The following DNAJC18 variants were observed in gnomAD, a reference collection of about 807,000 sequenced individuals.
The protein encoded by DNAJC18 is dnaJ homolog subfamily C member 18.
A neutral mutation model predicts 48.6 loss-of-function variants in DNAJC18; 40 were observed. That is an observed-to-expected ratio of 0.82 (90% confidence interval 0.64 to 1.07). The LOEUF is 1.07. Ranked by LOEUF, DNAJC18 falls within the 50% of genes least tolerant of loss-of-function variation. DNAJC18 has a pLI of 0.00. For synonymous variants in DNAJC18, 135 were observed against 152.2 expected, an observed-to-expected ratio of 0.89 and a Z score of 0.83; for missense variants, 340 against 427.7, an observed-to-expected ratio of 0.79 and a Z score of 1.81.
chr5:139,432,645 T>C (rs1408275322), intron 2 of DNAJC18, among the ~76,000 whole-genome samples: 2 of 152,180 alleles, frequency 1.3e-5, no homozygotes, highest in Non-Finnish European at 2.9e-5. Flanking sequence ...CCAAAAGAAC[T>C]TTTTAAAGGC....
Position 139,437,478 on chromosome 5 carries a change from A to G in DNAJC18, c.121T>C (p.Cys41Arg), listed in dbSNP as rs1355721695. 6 of 1,614,154 alleles carry G rather than the reference A, an allele frequency of 3.7e-6. No individual in the cohort carries two copies. In the South Asian group the frequency reaches 5.5e-5, roughly 15 times the overall value. ...TTCTTTTCCTTTTGTGCCTTCATGC[A>G]GTTACAGCAGCCACAGGGGTCATGA... ...ESHDPCGCCNCMKAQKEKKSE... is the reference protein window; with the variant it reads ...ESHDPCGCCNRMKAQKEKKSE... Residue 41 changes from cysteine (C) to arginine (R), a missense_variant, in exon 2 of 8, where the codon TGC becomes CGC. Coordinates refer to ENST00000302060, the MANE Select transcript of DNAJC18 (RefSeq NM_152686.4).
chr5:139,411,318 TGA>T lies in DNAJC18; in HGVS notation c.*2828_*2829del, dbSNP rs1213280376. The T allele has an allele frequency of 5.3e-5, 8 of 152,238 alleles. No homozygotes were observed. Among genetic ancestry groups the T allele is most frequent in the Non-Finnish European group, 1.2e-4 (8 of 68,048 alleles). 9.4% of individuals were successfully genotyped at this position (152,238 alleles called of 1,614,324 possible). On this transcript the variant is annotated 3_prime_UTR_variant, in exon 8 of 8. Transcript: ENST00000302060. ...GGTAGAGAGAGCATCTTCATTTGAA[TGA>T]GAGCTTCAGTTTCTGCTTGAGCCTC...
chr5:139,424,955 G>A, intron 5 of DNAJC18, 50 bp downstream of exon 5: 2 of 1,480,212 alleles, frequency 1.4e-6, no homozygotes, highest in Non-Finnish European at 1.9e-6. Flanking sequence ...CATCAAGGTT[G>A]GCCAAGTACA....
rs757623687 is a variant in DNAJC18, at chr5:139,412,957, C to G, written c.*1191G>C. 1.5e-5 allele frequency: 6 copies of G among 398,446 alleles called. No homozygotes were observed. Among genetic ancestry groups the G allele is most frequent in the Non-Finnish European group, 2.2e-5 (5 of 226,078 alleles). The allele number at this position is 398,446 out of a possible 1,614,324, so 24.7% of individuals were successfully genotyped here. Reference sequence around the variant, plus strand: ...CCTGAGACATGAGGATGCTCTCCCACTTTCTACTTGACACTCAGCCTACCG... The same window carrying G: ...CCTGAGACATGAGGATGCTCTCCCAGTTTCTACTTGACACTCAGCCTACCG... On this transcript the variant is annotated 3_prime_UTR_variant, in exon 8 of 8. Coordinates refer to ENST00000302060, the MANE Select transcript of DNAJC18 (RefSeq NM_152686.4).
intron 2 of DNAJC18, 60 bp downstream of exon 2, chr5:139,437,312 C>A: frequency 2.6e-6 from 4 of 1,522,376 alleles, no homozygotes; most frequent in Non-Finnish European, 3.5e-6. Context: ...CATAGCACAT[C>A]CAGGCACTCT....
chr5:139,433,459 A>C (rs1039375936), intron 2 of DNAJC18, among the ~76,000 whole-genome samples: 2 of 151,972 alleles, frequency 1.3e-5, no homozygotes, highest in African/African-American at 2.4e-5. Flanking sequence ...AAAAAAAAAA[A>C]CAAAACTGGA....
intron 3 of DNAJC18, 43 bp downstream of exon 3, chr5:139,428,495 A>T (rs1340117951): frequency 6.3e-7 from 1 of 1,583,388 alleles, no homozygotes; most frequent in Admixed American, 1.9e-5. Context: ...TATTATGACC[A>T]ACCATGACAA....
In DNAJC18 at chr5:139,413,034, C is replaced by G. The variant is rs1243783271; in HGVS notation, c.*1114G>C. ...GTCATCCTCTCTGGGCCAATGTTCT[C>G]ATTCATAGAACCAGGGATAATACAT... On this transcript the variant is annotated 3_prime_UTR_variant, in exon 8 of 8. Transcript: ENST00000302060. 2 of 397,510 alleles carry G rather than the reference C, an allele frequency of 5.0e-6. No homozygotes were observed. Among genetic ancestry groups the G allele is most frequent in the Non-Finnish European group, 8.9e-6 (2 of 225,978 alleles). The allele number at this position is 397,510 out of a possible 1,614,324, so 24.6% of individuals were successfully genotyped here.
chr5:139,422,826 G>GAA lies in DNAJC18; in HGVS notation c.670-11_670-10dup. 3 of 1,451,992 alleles carry GAA rather than the reference G, an allele frequency of 2.1e-6. No homozygotes were observed. The highest frequency in any genetic ancestry group is 1.3e-5 in the South Asian group (1 of 78,222). 89.9% of individuals were successfully genotyped at this position (1,451,992 alleles called of 1,614,324 possible). A position where few individuals can be genotyped will look rare whatever the true frequency, so the allele number is the denominator to read the frequency against. ...AATGCAGAATATGTAGTCTGAAAAA[G>GAA]AAAAAAAAATAAAAACTTGCTGTAA... On this transcript the variant is annotated splice_polypyrimidine_tract_variant and intron_variant, in intron 5 of 7. Coordinates refer to ENST00000302060, the MANE Select transcript of DNAJC18 (RefSeq NM_152686.4).
At chr5:139,424,717 C>CAAAAAAAAAAA (rs70982777) in intron 5 of DNAJC18, among the ~76,000 whole-genome samples, 6 of 23,116 alleles carry the variant, frequency 2.6e-4, no homozygotes, top group Non-Finnish European at 3.3e-4. Flanking sequence ...GACCCTCTCT[C>CAAAAAAAAAAA]AAAAAAAAAA....
chr5:139,435,959 AG>A (rs979963836), intron 2 of DNAJC18, among the ~76,000 whole-genome samples: 9 of 151,836 alleles, frequency 5.9e-5, no homozygotes, highest in African/African-American at 2.2e-4. Flanking sequence ...CCTGGGCTCA[AG>A]TGATCCTCCC....
At chr5:139,422,472 C>A (rs1432407207) in intron 6 of DNAJC18, among the ~76,000 whole-genome samples, 1 of 152,170 alleles carries the variant, frequency 6.6e-6, no homozygotes, top group Admixed American at 6.5e-5. Context: ...TGCTGTTCTG[C>A]AGCTGACCAG....
intron 2 of DNAJC18, among the ~76,000 whole-genome samples, chr5:139,433,897 T>G (rs1203192910): frequency 6.6e-6 from 1 of 152,240 alleles, no homozygotes; most frequent in Non-Finnish European, 1.5e-5. Context: ...GTGATGATGA[T>G]GATTATTATT....
At chr5:139,435,582 T>C (rs186424274) in intron 2 of DNAJC18, among the ~76,000 whole-genome samples, 177 of 152,216 alleles carry the variant, frequency 1.2e-3, no homozygotes, top group South Asian at 3.5e-3. Context: ...AAAATCTATA[T>C]CCATAAGGGA....
At chr5:139,414,791 C>A (rs1759048547) in intron 7 of DNAJC18, among the ~76,000 whole-genome samples, 1 of 152,268 alleles carries the variant, frequency 6.6e-6, no homozygotes. Context: ...CATTCCCTCA[C>A]CACACGTAGG....
chr5:139,420,289 G>A, intron 6 of DNAJC18, 64 bp from the exon 7 acceptor site: 2 of 1,449,768 alleles, frequency 1.4e-6, no homozygotes, highest in East Asian at 2.5e-5. Flanking sequence ...TCTTAGCACT[G>A]CCCTCACAGA....
rs995511964 is a variant in DNAJC18 at position 139,411,953 on chromosome 5, A to G, written c.*2195T>C. On this transcript the variant is annotated 3_prime_UTR_variant, in exon 8 of 8. Transcript: ENST00000302060. ...AACTTTCCATAAGCCTGTTTGGCTC[A>G]TGGACATATTTTACAATGTAACCTC... The G allele has an allele frequency of 6.6e-6, 1 of 152,150 alleles. No homozygotes were observed. The highest frequency in any genetic ancestry group is 2.4e-5 in the African/African-American group (1 of 41,444). 9.4% of individuals were successfully genotyped at this position (152,150 alleles called of 1,614,324 possible).
chr5:139,437,253 G>C, intron 2 of DNAJC18, 119 bp downstream of exon 2: 1 of 1,283,398 alleles, frequency 7.8e-7, no homozygotes, highest in Non-Finnish European at 1.0e-6. Flanking sequence ...CAAGAAGCTA[G>C]TATGCCTCAA....
Position 139,439,498 on chromosome 5 carries a change from A to G in DNAJC18, c.-53T>C. The G allele has an allele frequency of 6.2e-7, 1 of 1,613,282 alleles. No individual in the cohort carries two copies. ...AGCCTCCCCCGTGCCCGAGGCTGAA[A>G]GAGAAGGGGGCGCGGAGCGCGGGGC... On this transcript the variant is annotated 5_prime_UTR_variant, in exon 1 of 8. Transcript: ENST00000302060. The surrounding 1 kb of genome is among the most constrained non-coding windows in gnomAD (Gnocchi z 4.1).
Sources: gnomAD v4.1 joint callset for allele counts (sites outside exome capture counted in the v4.1 genomes callset) on GRCh38, gnomAD v4.1.1 for gene constraint, Gnocchi (gnomAD v3.1) non-coding constraint, MANE v1.5 for transcripts, NCBI Gene and HGNC (gene_info 2026-07-23, HGNC 2026-07-21) for gene names.